The following FBN2 variants were observed in gnomAD, a reference collection of about 807,000 sequenced individuals.
FBN2 encodes fibrillin-2.
In FBN2, 105 loss-of-function variants were observed where a neutral mutation model predicts 355.6. The observed-to-expected ratio is 0.30, with a 90% CI of 0.25 to 0.35. FBN2 has a LOEUF of 0.35. Ranked by LOEUF, FBN2 falls within the 10% of genes least tolerant of loss-of-function variation. FBN2 has a pLI of 1.00. For synonymous variants in FBN2, 1,350 were observed against 1,301.2 expected (o/e 1.04, Z -0.81); for missense variants, 3,280 against 3,758.7 (o/e 0.87, Z 3.33).
chr5:128,426,848 A>G (rs1326354604), intron 7 of FBN2, among the ~76,000 whole-genome samples: 2 of 152,038 alleles, frequency 1.3e-5, no homozygotes, highest in Non-Finnish European at 2.9e-5. Context: ...TGGAGCTATA[A>G]TCTCCCTGAC....
chr5:128,478,405 G>C (rs1322213945), intron 5 of FBN2, among the ~76,000 whole-genome samples: 1 of 152,124 alleles, frequency 6.6e-6, no homozygotes, highest in African/African-American at 2.4e-5. Context: ...GAAATGTATT[G>C]TTATTTTTTT....
chr5:128,537,869 A>C lies in FBN2; in HGVS notation c.-266T>G. On this transcript the variant is annotated 5_prime_UTR_variant, in exon 1 of 65. Coordinates refer to ENST00000262464, the MANE Select transcript of FBN2 (RefSeq NM_001999.4). ...TGCAGCCGGCAGCCCCGAGCGGTAC[A>C]CGTTGCATAACCGGCCTAAAGCCCC... 1 of 559,734 alleles carries C rather than the reference A, an allele frequency of 1.8e-6. No homozygotes were observed. 34.7% of individuals were successfully genotyped at this position (559,734 alleles called of 1,614,324 possible).
intron 19 of FBN2, among the ~76,000 whole-genome samples, chr5:128,360,874 A>T (rs1751622232): frequency 6.6e-6 from 1 of 152,140 alleles, no homozygotes; most frequent in South Asian, 2.1e-4. Context: ...ATCAAAGATG[A>T]AATCTTTTCT....
chr5:128,511,899 T>C (rs747548285), intron 5 of FBN2, among the ~76,000 whole-genome samples: 20 of 152,214 alleles, frequency 1.3e-4, no homozygotes, highest in Non-Finnish European at 2.8e-4. Flanking sequence ...ATATGAGTTA[T>C]ACTATAAACT....
rs191596729 is a variant in FBN2, at chr5:128,533,445, C to A, written c.338-2752G>T. On this transcript the variant is annotated intron_variant, in intron 2 of 64. Transcript: ENST00000262464. ...CCCACAACAGCCTCAGACTATGGTACACTTACTGAATACGTCCCTCCCACA... is the reference window on the plus strand; with the variant it reads ...CCCACAACAGCCTCAGACTATGGTAAACTTACTGAATACGTCCCTCCCACA... 4.0e-4 allele frequency among the ~76,000 whole-genome samples: 61 copies of A among 152,306 alleles called. 1 individual carries two copies. The highest frequency in any genetic ancestry group is 1.5e-3 in the African/African-American group (61 of 41,572).
At chr5:128,490,741 A>C (rs1755478396) in intron 5 of FBN2, among the ~76,000 whole-genome samples, 1 of 152,212 alleles carries the variant, frequency 6.6e-6, no homozygotes, top group Non-Finnish European at 1.5e-5. Flanking sequence ...ATGTTCAATA[A>C]ATTCTTAATG....
chr5:128,312,825 C>T (rs1444008599), intron 36 of FBN2, 30 bp from the exon 37 acceptor site: 1 of 1,611,692 alleles, frequency 6.2e-7, no homozygotes, highest in Admixed American at 1.7e-5. Context: ...CTTACAGTTG[C>T]CCTTGCTTAC....
Position 128,500,430 on chromosome 5 carries a change from C to CTTTTTTTTTT in FBN2, c.628+18833_628+18842dup, listed in dbSNP as rs149068555. Among the ~76,000 whole-genome samples, 64 of 51,178 alleles carry CTTTTTTTTTT rather than the reference C, an allele frequency of 1.3e-3. 14 individuals are homozygous for CTTTTTTTTTT. The highest frequency in any genetic ancestry group is 3.9e-3 in the African/African-American group (37 of 9,572). 33.6% of individuals were successfully genotyped at this position (51,178 alleles called of 152,430 possible). A position where few individuals can be genotyped will look rare whatever the true frequency, so the allele number is the denominator to read the frequency against. On this transcript the variant is annotated intron_variant, in intron 5 of 64. Coordinates refer to ENST00000262464, the MANE Select transcript of FBN2 (RefSeq NM_001999.4). ...TGAAAATGATGAGACTCTGACAATT[C>CTTTTTTTTTT]TTTTTTTTTTTTTTTTTTTTTTTTT...
intron 7 of FBN2, among the ~76,000 whole-genome samples, chr5:128,435,676 T>A (rs1472627393): frequency 6.6e-6 from 1 of 152,214 alleles, no homozygotes; most frequent in Non-Finnish European, 1.5e-5. Flanking sequence ...TCCTTAATTT[T>A]ACTGAAAACT....
At chr5:128,408,540 G>A (rs1752988745) in intron 8 of FBN2, 134 bp downstream of exon 8, 1 of 1,033,192 alleles carries the variant, frequency 9.7e-7, no homozygotes, top group South Asian at 1.3e-5. Flanking sequence ...CCTCAATACT[G>A]GTACCGTTTA....
At chr5:128,291,718 A>C in intron 48 of FBN2, 64 bp from the exon 49 acceptor site, 1 of 1,426,158 alleles carries the variant, frequency 7.0e-7, no homozygotes, top group South Asian at 1.2e-5. Flanking sequence ...TGTCCATACT[A>C]TCACTGTCCA....
intron 28 of FBN2, 41 bp from the exon 29 acceptor site, chr5:128,335,618 C>A (rs771427268): frequency 6.2e-7 from 1 of 1,613,140 alleles, no homozygotes; most frequent in Non-Finnish European, 8.5e-7. Context: ...AGGTCTGCTT[C>A]CTTAAAAGGA....
rs77577187 is a variant in FBN2 at position 128,311,490 on chromosome 5, A to G, written c.4949-65T>C. On this transcript the variant is annotated intron_variant, in intron 38 of 64. Coordinates refer to ENST00000262464, the MANE Select transcript of FBN2 (RefSeq NM_001999.4). ...CACTAAGGATAAGAGTTAATATTAG[A>G]GCTTTCAAAAGTGTGATCTTGTAAG... 2.8e-3 allele frequency: 4,285 copies of G among 1,543,996 alleles called. 103 individuals are homozygous for G. In the African/African-American group the frequency reaches 0.046, roughly 17 times the overall value.
intron 61 of FBN2, among the ~76,000 whole-genome samples, chr5:128,272,578 TA>T (rs1324128830): frequency 1.3e-5 from 2 of 151,178 alleles, no homozygotes; most frequent in African/African-American, 4.9e-5. Context: ...CAGAGATACC[TA>T]AAAAGTACAA....
chr5:128,443,819 TAATA>T (rs1753987608), intron 7 of FBN2, among the ~76,000 whole-genome samples: 1 of 152,154 alleles, frequency 6.6e-6, no homozygotes, highest in Non-Finnish European at 1.5e-5. Context: ...GTAATTCACA[TAATA>T]AATTAAAATA....
At chr5:128,428,302 G>A (rs74822298) in intron 7 of FBN2, among the ~76,000 whole-genome samples, 181 of 152,254 alleles carry the variant, frequency 1.2e-3, no homozygotes, top group African/African-American at 4.2e-3. Context: ...AGCTCTAACA[G>A]CTCCCATCCT....
intron 35 of FBN2, among the ~76,000 whole-genome samples, chr5:128,318,599 C>A (rs1750278130): frequency 6.6e-6 from 1 of 151,352 alleles, no homozygotes; most frequent in Non-Finnish European, 1.5e-5. Context: ...TATACATGTA[C>A]TATATATACA....
At chr5:128,371,921 G>C (rs935328961) in intron 15 of FBN2, among the ~76,000 whole-genome samples, 1 of 152,162 alleles carries the variant, frequency 6.6e-6, no homozygotes, top group African/African-American at 2.4e-5. Context: ...ATGTATGTAT[G>C]CAAAATGCTA....
intron 6 of FBN2, among the ~76,000 whole-genome samples, chr5:128,460,436 T>A (rs1754528072): frequency 6.6e-6 from 1 of 152,150 alleles, no homozygotes; most frequent in African/African-American, 2.4e-5. Context: ...CTATCCAAAG[T>A]AATTTATAGA....
Sources: gnomAD v4.1 joint callset for allele counts (sites outside exome capture counted in the v4.1 genomes callset) on GRCh38, gnomAD v4.1.1 for gene constraint, MANE v1.5 for transcripts, NCBI Gene and HGNC (gene_info 2026-07-23, HGNC 2026-07-21) for gene names.